The following NFATC3 variants were observed in gnomAD, a reference collection of about 807,000 sequenced individuals.
NFATC3 encodes nuclear factor of activated T cells 3.
NFATC3 carries 46 observed loss-of-function variants against 98.6 expected under a neutral mutation model. That is an observed-to-expected ratio of 0.47 (90% confidence interval 0.37 to 0.60). The LOEUF (loss-of-function observed/expected upper bound fraction) is 0.60, where lower values mean the gene tolerates loss of function less well. Among genes scored for constraint, NFATC3 ranks in the 20% least tolerant of loss-of-function variants. The pLI is 0.00. For synonymous variants in NFATC3, 512 were observed against 472.2 expected (o/e 1.08, Z -1.09); for missense variants, 1,256 against 1,295.5 (o/e 0.97, Z 0.47).
chr16:68,093,297 T>C (rs2034828374), intron 1 of NFATC3, among the ~76,000 whole-genome samples: 2 of 150,752 alleles, frequency 1.3e-5, no homozygotes, highest in South Asian at 4.3e-4. Context: ...TGTTGCTAAT[T>C]GTGTGATACT....
intron 3 of NFATC3, among the ~76,000 whole-genome samples, chr16:68,135,512 A>AAACT (rs2037354822): frequency 6.6e-6 from 1 of 151,394 alleles, no homozygotes; most frequent in Non-Finnish European, 1.5e-5. Flanking sequence ...TGTTGCTGAG[A>AAACT]AACTAATCTT....
intron 9 of NFATC3, among the ~76,000 whole-genome samples, chr16:68,211,926 G>A (rs1487837991): frequency 6.6e-6 from 1 of 152,230 alleles, no homozygotes; most frequent in African/African-American, 2.4e-5. Context: ...GATTTCTGGA[G>A]CACTGCAAGT....
chr16:68,123,120 C>A lies in NFATC3; in HGVS notation c.1237C>A (p.Arg413Ser). 1 of 1,591,018 alleles carries A rather than the reference C, an allele frequency of 6.3e-7. No homozygotes were observed. The change falls in exon 2 of 10, where the codon CGC becomes AGC. Residue 413 changes from arginine to serine, a missense_variant and splice_region_variant. By Grantham distance (110) the Arg-to-Ser change is moderately radical. Transcript: ENST00000346183. ...KPKPGHTPIF[R>S]TSSLPPLDWP... is the part of the protein sequence containing the mutation. ...AAAGCCTGGCCACACCCCTATATTT[C>A]GGTGAGTTGATGGAAATGGCTGCTG...
chr16:68,127,344 T>C (rs2036890127), intron 3 of NFATC3, among the ~76,000 whole-genome samples: 2 of 152,182 alleles, frequency 1.3e-5, no homozygotes, highest in African/African-American at 4.8e-5. Context: ...TCTGTGTGTA[T>C]ATTTAGTGGA....
chr16:68,122,313 C>A lies in NFATC3; in HGVS notation c.430C>A (p.Pro144Thr). ...NDPEREFLER[P>T]SRDHLYLPLE... ...CCCAGAACGGGAATTTTTGGAAAGG[C>A]CTTCTAGAGATCATCTCTATCTTCC... Residue 144 changes from proline to threonine, a missense_variant, in exon 2 of 10, where the codon CCT becomes ACT. Physicochemically the swap from Pro to Thr is conservative, Grantham distance 38. Coordinates refer to ENST00000346183, the MANE Select transcript of NFATC3 (RefSeq NM_173165.3). 6.2e-7 allele frequency: 1 copy of A among 1,614,090 alleles called. No homozygotes were observed. The highest frequency in any genetic ancestry group is 8.5e-7 in the Non-Finnish European group (1 of 1,180,014).
chr16:68,223,763 C>T (rs867597842), intron 9 of NFATC3, among the ~76,000 whole-genome samples: 10 of 151,682 alleles, frequency 6.6e-5, no homozygotes, highest in Middle Eastern at 3.4e-3. Flanking sequence ...GGCACGATGG[C>T]GGGCACCTGT....
intron 4 of NFATC3, among the ~76,000 whole-genome samples, chr16:68,163,998 G>T (rs2039053883): frequency 6.6e-6 from 1 of 151,798 alleles, no homozygotes; most frequent in Admixed American, 6.6e-5. Context: ...CCCAGACGGG[G>T]TGGCGGCCGG....
intron 3 of NFATC3, among the ~76,000 whole-genome samples, chr16:68,150,642 A>C (rs2034470528): frequency 1.3e-5 from 2 of 152,158 alleles, no homozygotes; most frequent in Admixed American, 6.5e-5. Context: ...GTTATAATGC[A>C]GTACTATTAA....
chr16:68,196,987 G>A (rs560468287), intron 9 of NFATC3, among the ~76,000 whole-genome samples: 33 of 152,002 alleles, frequency 2.2e-4, no homozygotes, highest in Non-Finnish European at 3.1e-4. Context: ...CCGAGATTGC[G>A]CCATTGCAAT....
At chr16:68,191,848 A>T (rs1468977172) in intron 9 of NFATC3, 73 bp downstream of exon 9, 1 of 1,512,720 alleles carries the variant, frequency 6.6e-7, no homozygotes, top group Non-Finnish European at 9.1e-7. Flanking sequence ...GTCATGAAAA[A>T]GTTTCTATGG....
intron 8 of NFATC3, among the ~76,000 whole-genome samples, chr16:68,187,102 G>C (rs2040236738): frequency 1.3e-5 from 2 of 152,220 alleles, no homozygotes; most frequent in African/African-American, 4.8e-5. Flanking sequence ...TCCAGCCACT[G>C]CTCACAGCCA....
chr16:68,140,505 T>G (rs760293729), intron 3 of NFATC3, among the ~76,000 whole-genome samples: 2 of 152,230 alleles, frequency 1.3e-5, no homozygotes, highest in Non-Finnish European at 2.9e-5. Flanking sequence ...TTGACAACAT[T>G]CCAAGGTTTA....
rs1247170482 is a variant in NFATC3, at chr16:68,167,079, ATAATG to A, written c.1774+72_1774+76del. 43 of 1,524,438 alleles carry A rather than the reference ATAATG, an allele frequency of 2.8e-5. No individual in the cohort carries two copies. In the Admixed American group the frequency reaches 4.4e-4, roughly 15 times the overall value. 94.4% of individuals were successfully genotyped at this position (1,524,438 alleles called of 1,614,324 possible). A position where few individuals can be genotyped will look rare whatever the true frequency, so the allele number is the denominator to read the frequency against. On this transcript the variant is annotated intron_variant, in intron 5 of 9. Coordinates refer to ENST00000346183, the MANE Select transcript of NFATC3 (RefSeq NM_173165.3). Reference sequence around the variant, plus strand: ...TAATAGCTTATTTTCTGTTTTACTTATAATGTAATGTATGCGTCTGAAGTGCAAAC... The same window carrying A: ...TAATAGCTTATTTTCTGTTTTACTTATAATGTATGCGTCTGAAGTGCAAAC...
chr16:68,199,369 G>A (rs1357070287), intron 9 of NFATC3, among the ~76,000 whole-genome samples: 45 of 137,944 alleles, frequency 3.3e-4, no homozygotes, highest in East Asian at 2.2e-3. Flanking sequence ...GACTACAGGC[G>A]CCCGCCACCA....
intron 3 of NFATC3, among the ~76,000 whole-genome samples, chr16:68,143,517 T>G (rs2037870249): frequency 6.6e-6 from 1 of 152,262 alleles, no homozygotes; most frequent in East Asian, 1.9e-4. Context: ...ACCTCACATC[T>G]TTCTCAAAAA....
At chr16:68,133,531 C>T (rs1455157300) in intron 3 of NFATC3, among the ~76,000 whole-genome samples, 1 of 152,010 alleles carries the variant, frequency 6.6e-6, no homozygotes, top group Non-Finnish European at 1.5e-5. Context: ...ATAAAAATAC[C>T]ACACAGGTTA....
intron 2 of NFATC3, among the ~76,000 whole-genome samples, chr16:68,125,070 C>G (rs1490714628): frequency 6.6e-6 from 1 of 152,198 alleles, no homozygotes; most frequent in Non-Finnish European, 1.5e-5. Flanking sequence ...TTTCTCAATC[C>G]TGATCTTTAG....
rs183515570 is a variant in NFATC3 at position 68,128,311 on chromosome 16, A to T, written c.1401+1701A>T. Among the ~76,000 whole-genome samples, 278 of 152,252 alleles carry T rather than the reference A, an allele frequency of 1.8e-3. 4 individuals carry two copies. The highest frequency in any genetic ancestry group is 6.3e-3 in the African/African-American group (262 of 41,550). On this transcript the variant is annotated intron_variant, in intron 3 of 9. Coordinates refer to ENST00000346183, the MANE Select transcript of NFATC3 (RefSeq NM_173165.3). ...CTTTACGTATAAAGATTTACATTTT[A>T]GATGGGTTTTTTTAATGATTTGTTA...
chr16:68,132,878 A>T (rs1001799129), intron 3 of NFATC3, among the ~76,000 whole-genome samples: 1 of 152,194 alleles, frequency 6.6e-6, no homozygotes, highest in Non-Finnish European at 1.5e-5. Context: ...GGAAGTAAGG[A>T]TGGGGAGAAG....
Sources: gnomAD v4.1 joint callset for allele counts (sites outside exome capture counted in the v4.1 genomes callset) on GRCh38, gnomAD v4.1.1 for gene constraint, MANE v1.5 for transcripts, NCBI Gene and HGNC (gene_info 2026-07-23, HGNC 2026-07-21) for gene names.